Variants in HEATR5B observed in about 807,000 individuals in gnomAD.
HEATR5B encodes HEAT repeat containing 5B.
In HEATR5B, 156 loss-of-function variants were observed where a neutral mutation model predicts 224.1. That is an observed-to-expected ratio of 0.70 (90% CI 0.61 to 0.80). The LOEUF (loss-of-function observed/expected upper bound fraction) is 0.80, where lower values mean the gene tolerates loss of function less well. Ranked by LOEUF, HEATR5B falls within the 30% of genes least tolerant of loss-of-function variation. The pLI is 0.00. For missense variants in HEATR5B, 2,323 were observed against 2,535.5 expected (o/e 0.92, Z 1.80); for synonymous variants, 1,027 against 893.0 (o/e 1.15, Z -2.68).
chr2:37,043,556 C>G (rs1436701102), intron 18 of HEATR5B, among the ~76,000 whole-genome samples: 6 of 152,184 alleles, frequency 3.9e-5, no homozygotes, highest in African/African-American at 1.4e-4. Context: ...TAGACAATCA[C>G]TTTATGGTCC....
chr2:36,995,698 T>C lies in HEATR5B; in HGVS notation c.5545+4888A>G, dbSNP rs989777465. On this transcript the variant is annotated intron_variant, in intron 33 of 35. Coordinates refer to ENST00000233099, the MANE Select transcript of HEATR5B (RefSeq NM_019024.3). ...ATTTCTTCGGGTCTGGGTTAATTTA[T>C]ATAGTTGGTTATAAACATGGTACTT... 5.3e-4 allele frequency among the ~76,000 whole-genome samples: 81 copies of C among 152,328 alleles called. 1 individual carries two copies. Among genetic ancestry groups the C allele is most frequent in the East Asian group, 1.9e-4 (1 of 5,190 alleles).
At chr2:37,060,504 A>G (rs1671216029) in intron 12 of HEATR5B, 77 bp downstream of exon 12, 3 of 1,254,748 alleles carry the variant, frequency 2.4e-6, no homozygotes, top group Non-Finnish European at 3.3e-6. Flanking sequence ...AAACTATAAA[A>G]TAGTGATTTT....
intron 17 of HEATR5B, among the ~76,000 whole-genome samples, chr2:37,052,516 A>T (rs1319699926): frequency 2.0e-5 from 3 of 152,230 alleles, no homozygotes; most frequent in Non-Finnish European, 2.9e-5. Context: ...CAGACAGAAG[A>T]TTTGTTCTTC....
chr2:36,981,833 A>C lies in HEATR5B; in HGVS notation c.5912-39T>G, dbSNP rs182627340. The C allele has an allele frequency of 4.8e-6, 7 of 1,473,240 alleles. No homozygotes were observed. The East Asian group carries it at 1.6e-4, about 33-fold the overall frequency. The allele number at this position is 1,473,240 out of a possible 1,614,324, so 91.3% of individuals were successfully genotyped here. A position where few individuals can be genotyped will look rare whatever the true frequency, so the allele number is the denominator to read the frequency against. On this transcript the variant is annotated intron_variant, in intron 35 of 35. Transcript: ENST00000233099. ...AGTATGAAAAAAGATCACAAACATA[A>C]GGATTATAATAAACTTTAAAAACTA...
chr2:37,000,041 C>T (rs1666987874), intron 33 of HEATR5B, among the ~76,000 whole-genome samples: 1 of 151,222 alleles, frequency 6.6e-6, no homozygotes, highest in African/African-American at 2.4e-5. Context: ...ACAAAAACCC[C>T]AAAAAACAAA....
At position 37,045,520 on chromosome 2, in the gene HEATR5B, C is replaced by A. The variant is rs1670135932; in HGVS notation, c.2696+4133G>T. 5.3e-5 allele frequency among the ~76,000 whole-genome samples: 8 copies of A among 152,298 alleles called. No individual in the cohort carries two copies. In the South Asian group the frequency reaches 1.7e-3, roughly 32 times the overall value. The stretch of plus-strand genomic sequence containing the variant: ...GTCTTTCTATTCTGAATAGTGGGAA[C>A]ACAAAATATTCTCAGCCCTGTGAGT... On this transcript the variant is annotated intron_variant, in intron 18 of 35. Transcript: ENST00000233099.
chr2:36,981,545 G>C lies in HEATR5B; in HGVS notation c.6161C>G (p.Pro2054Arg). The change falls in exon 36 of 36, where the codon CCA becomes CGA. Residue 2054 changes from proline to arginine, a missense_variant. By Grantham distance (103) the Pro-to-Arg change is moderately radical. Transcript: ENST00000233099. ...TGGTGCAGAATGTATGGCGGGGGCTGGTTGTCTGGCAGCCGCTTTAGCTTT... is the reference window on the plus strand; with the variant it reads ...TGGTGCAGAATGTATGGCGGGGGCTCGTTGTCTGGCAGCCGCTTTAGCTTT... ...ASKAKAAARQ[P>R]APAIHSAPTI... The C allele has an allele frequency of 6.2e-7, 1 of 1,614,070 alleles. No individual in the cohort carries two copies.
intron 24 of HEATR5B, among the ~76,000 whole-genome samples, chr2:37,022,826 C>T (rs1668545935): frequency 6.6e-6 from 1 of 152,166 alleles, no homozygotes; most frequent in African/African-American, 2.4e-5. Flanking sequence ...AATTTAACTA[C>T]ATCCCAGAAC....
Position 36,981,332 on chromosome 2 carries a change from A to AT in HEATR5B, c.*157dup. On this transcript the variant is annotated 3_prime_UTR_variant, in exon 36 of 36. Coordinates refer to ENST00000233099, the MANE Select transcript of HEATR5B (RefSeq NM_019024.3). ...AAAAAAAATCACTCCTTAAAAATCA[A>AT]TAAGTGGTGTGAGCATTATTTCACT... The AT allele has an allele frequency of 2.1e-6, 1 of 469,760 alleles. No homozygotes were observed. Among genetic ancestry groups the AT allele is most frequent in the Non-Finnish European group, 3.7e-6 (1 of 271,846 alleles). 29.1% of individuals were successfully genotyped at this position (469,760 alleles called of 1,614,324 possible). A position where few individuals can be genotyped will look rare whatever the true frequency, so the allele number is the denominator to read the frequency against.
intron 24 of HEATR5B, among the ~76,000 whole-genome samples, chr2:37,025,052 A>C (rs1210803956): frequency 6.6e-6 from 1 of 152,208 alleles, no homozygotes; most frequent in Non-Finnish European, 1.5e-5. Context: ...GGAGATAGGA[A>C]GATGAAGAGA....
In HEATR5B at chr2:37,004,143, C is replaced by G. The variant is rs552781948; in HGVS notation, c.4906-457G>C. On this transcript the variant is annotated intron_variant, in intron 30 of 35. Coordinates refer to ENST00000233099, the MANE Select transcript of HEATR5B (RefSeq NM_019024.3). Reference sequence around the variant, plus strand: ...TGCCACCCACTTTAAGCTTCTTACTCACAATCTTCCATACCAAATCCATCC... The same window carrying G: ...TGCCACCCACTTTAAGCTTCTTACTGACAATCTTCCATACCAAATCCATCC... Among the ~76,000 whole-genome samples the G allele has an allele frequency of 2.6e-5, 4 of 152,178 alleles. No individual in the cohort carries two copies. In the East Asian group the frequency reaches 7.7e-4, roughly 29 times the overall value.
intron 18 of HEATR5B, among the ~76,000 whole-genome samples, chr2:37,046,652 A>G (rs564650177): frequency 2.0e-5 from 3 of 151,594 alleles, no homozygotes; most frequent in Non-Finnish European, 4.4e-5. Context: ...AAAAAAAAAA[A>G]AAAAAATATT....
At chr2:37,009,955 T>C (rs1218006827) in intron 27 of HEATR5B, among the ~76,000 whole-genome samples, 1 of 152,180 alleles carries the variant, frequency 6.6e-6, no homozygotes, top group Non-Finnish European at 1.5e-5. Flanking sequence ...AAATGATATT[T>C]TGCAATCTAG....
At chr2:37,061,714 T>C (rs974353131) in intron 11 of HEATR5B, among the ~76,000 whole-genome samples, 1 of 152,224 alleles carries the variant, frequency 6.6e-6, no homozygotes, top group African/African-American at 2.4e-5. Context: ...GTTATTCTGA[T>C]GGTAAAGGTG....
chr2:37,029,766 C>T (rs1669003430), intron 22 of HEATR5B, among the ~76,000 whole-genome samples: 1 of 151,842 alleles, frequency 6.6e-6, no homozygotes, highest in South Asian at 2.1e-4. Context: ...TGGTGAAATC[C>T]TGCCTCTACT....
chr2:37,013,623 T>A (rs1255972675), intron 27 of HEATR5B, among the ~76,000 whole-genome samples: 1 of 152,262 alleles, frequency 6.6e-6, no homozygotes, highest in Non-Finnish European at 1.5e-5. Context: ...TCTGTTATAT[T>A]TTTGAGTTTT....
In HEATR5B at chr2:37,038,907, T is replaced by TGG. The variant is rs758997585; in HGVS notation, c.3047-885_3047-884dup. Reference sequence around the variant, plus strand: ...AGAGCAAGACTCTGTCTCCCTGGGGTGGGGGGGGTGGGGAATCACATATTT... The same window carrying TGG: ...AGAGCAAGACTCTGTCTCCCTGGGGTGGGGGGGGGGTGGGGAATCACATATTT... On this transcript the variant is annotated intron_variant, in intron 20 of 35. Transcript: ENST00000233099. Among the ~76,000 whole-genome samples the TGG allele has an allele frequency of 2.3e-3, 153 of 66,268 alleles. 7 individuals are homozygous for TGG. The highest frequency in any genetic ancestry group is 8.8e-3 in the African/African-American group (128 of 14,620). 43.5% of individuals were successfully genotyped at this position (66,268 alleles called of 152,430 possible). A position where few individuals can be genotyped will look rare whatever the true frequency, so the allele number is the denominator to read the frequency against.
At chr2:37,029,875 G>A (rs1266215818) in intron 22 of HEATR5B, among the ~76,000 whole-genome samples, 1 of 151,812 alleles carries the variant, frequency 6.6e-6, no homozygotes, top group Non-Finnish European at 1.5e-5. Flanking sequence ...GGAGGCGGAG[G>A]TTGCAGTGAC....
At chr2:37,070,564 A>G (rs887934096) in intron 6 of HEATR5B, among the ~76,000 whole-genome samples, 177 bp from the exon 7 acceptor site, 3 of 152,220 alleles carry the variant, frequency 2.0e-5, no homozygotes, top group Non-Finnish European at 4.4e-5. Context: ...ATTCCAAAGG[A>G]AAAAATGCTC....
Sources: gnomAD v4.1 joint callset for allele counts (sites outside exome capture counted in the v4.1 genomes callset) on GRCh38, gnomAD v4.1.1 for gene constraint, MANE v1.5 for transcripts, NCBI Gene and HGNC (gene_info 2026-07-23, HGNC 2026-07-21) for gene names.